The following CDH13 variants were observed in gnomAD, a reference collection of about 807,000 sequenced individuals.
CDH13 encodes the protein cadherin 13, also known as cadherin-13.
Under a neutral mutation model 63.8 loss-of-function variants are expected in CDH13, and 24 were observed. The observed-to-expected ratio is 0.38, with a 90% CI of 0.27 to 0.53. The LOEUF (loss-of-function observed/expected upper bound fraction) is 0.53, where lower values mean the gene tolerates loss of function less well. Among genes scored for constraint, CDH13 ranks in the 20% least tolerant of loss-of-function variants. The probability of loss-of-function intolerance (pLI) is 0.85; values close to 1 mark genes in which losing one functional copy is unlikely to be tolerated. For missense variants in CDH13, 1,049 were observed against 903.1 expected (o/e 1.16, Z -2.07); for synonymous variants, 503 against 355.3 (o/e 1.42, Z -4.67).
intron 1 of CDH13, among the ~76,000 whole-genome samples, chr16:82,832,101 A>G (rs965664876): frequency 3.9e-5 from 6 of 152,304 alleles, no homozygotes; most frequent in African/African-American, 1.4e-4. Flanking sequence ...TCTTCTTTAA[A>G]AGCAGAATGA....
In CDH13 at chr16:82,815,952, A is replaced by G. The variant is rs532725016; in HGVS notation, c.46-42410A>G. Among the ~76,000 whole-genome samples, 18 of 152,364 alleles carry G rather than the reference A, an allele frequency of 1.2e-4. No homozygotes were observed. The South Asian group carries it at 3.7e-3, about 32-fold the overall frequency. On this transcript the variant is annotated intron_variant, in intron 1 of 13. Transcript: ENST00000567109. ...CACGTGTTTAGGACTGATAAAATAC[A>G]TAACTGTGTTTTATTTCAGAATAAA...
chr16:82,746,035 T>C (rs1223275392), intron 1 of CDH13, among the ~76,000 whole-genome samples: 1 of 152,126 alleles, frequency 6.6e-6, no homozygotes, highest in Non-Finnish European at 1.5e-5. Context: ...TCATTAGTCA[T>C]AACGTTTTAA....
chr16:82,924,686 G>T (rs2042251863), intron 2 of CDH13, among the ~76,000 whole-genome samples: 1 of 152,168 alleles, frequency 6.6e-6, no homozygotes, highest in Non-Finnish European at 1.5e-5. Context: ...TCTGGAATGT[G>T]AGGTTTCCAG....
At chr16:82,809,884 T>C (rs538318196) in intron 1 of CDH13, among the ~76,000 whole-genome samples, 3 of 152,102 alleles carry the variant, frequency 2.0e-5, no homozygotes, top group Non-Finnish European at 2.9e-5. Flanking sequence ...CTTCTCAAGA[T>C]ACATATAAGG....
intron 2 of CDH13, among the ~76,000 whole-genome samples, chr16:82,920,433 A>G (rs182932431): frequency 6.6e-6 from 1 of 152,222 alleles, no homozygotes; most frequent in Non-Finnish European, 1.5e-5. Flanking sequence ...GTGCTCGTCC[A>G]TGAATCAGTG....
chr16:82,633,426 C>G (rs1412568676), intron 1 of CDH13, among the ~76,000 whole-genome samples: 1 of 152,236 alleles, frequency 6.6e-6, no homozygotes, highest in Non-Finnish European at 1.5e-5. Context: ...GTCACCCAAG[C>G]CGGAGTGCGG....
intron 7 of CDH13, among the ~76,000 whole-genome samples, chr16:83,514,915 C>A (rs1291016196): frequency 6.6e-6 from 1 of 152,082 alleles, no homozygotes; most frequent in African/African-American, 2.4e-5. Context: ...TGAGCCCCTC[C>A]GGTTTGTGAC....
intron 7 of CDH13, among the ~76,000 whole-genome samples, chr16:83,570,971 A>ATATATATATATATAT (rs57205262): frequency 1.5e-4 from 17 of 117,222 alleles, no homozygotes; most frequent in Non-Finnish European, 2.2e-4. Context: ...ATATATATAT[A>ATATATATATATATAT]AAAACCTTCT....
chr16:83,140,117 C>G (rs7184265), intron 4 of CDH13, among the ~76,000 whole-genome samples: 44,759 of 152,120 alleles, frequency 0.29, 7,206 homozygotes, highest in African/African-American at 0.42. Flanking sequence ...CAGCATCAGG[C>G]TGTACCACCA....
At chr16:83,356,295 A>ACCTT (rs2091055521) in intron 6 of CDH13, among the ~76,000 whole-genome samples, 1 of 149,930 alleles carries the variant, frequency 6.7e-6, no homozygotes, top group Non-Finnish European at 1.5e-5. Flanking sequence ...AAAACCACCA[A>ACCTT]CCTTCCTTAG....
chr16:82,758,222 T>C (rs1475087270), intron 1 of CDH13, among the ~76,000 whole-genome samples: 3 of 151,796 alleles, frequency 2.0e-5, no homozygotes, highest in Non-Finnish European at 2.9e-5. Flanking sequence ...CTTTGAGCTA[T>C]GAGAAAAAAA....
chr16:83,073,354 T>A (rs3936124), intron 3 of CDH13, among the ~76,000 whole-genome samples: 12,185 of 139,672 alleles, frequency 0.087, 791 homozygotes, highest in African/African-American at 0.19. Context: ...TGTGTGTGTG[T>A]GAGAGAGAGA....
At chr16:83,545,067 A>G (rs2075361421) in intron 7 of CDH13, among the ~76,000 whole-genome samples, 1 of 152,224 alleles carries the variant, frequency 6.6e-6, no homozygotes, top group South Asian at 2.1e-4. Flanking sequence ...CATCTCCTTC[A>G]GGGAGTACTT....
intron 7 of CDH13, among the ~76,000 whole-genome samples, chr16:83,568,788 C>T (rs1598303320): frequency 6.6e-6 from 1 of 152,296 alleles, no homozygotes; most frequent in Middle Eastern, 3.4e-3. Flanking sequence ...AGTTCCTCCT[C>T]CAGAGCTCCT....
intron 7 of CDH13, among the ~76,000 whole-genome samples, chr16:83,583,843 C>G (rs1318371630): frequency 6.6e-6 from 1 of 151,934 alleles, no homozygotes; most frequent in Admixed American, 6.6e-5. Context: ...CTTGAGCCCA[C>G]GAGGGAGAGG....
chr16:83,175,995 A>ATTTTTG (rs947340248), intron 4 of CDH13, among the ~76,000 whole-genome samples: 7 of 150,368 alleles, frequency 4.7e-5, no homozygotes, highest in African/African-American at 9.8e-5. Context: ...TGCCTGGCTA[A>ATTTTTG]TTTTTGTTTT....
At chr16:83,275,613 C>T (rs180909830) in intron 5 of CDH13, among the ~76,000 whole-genome samples, 3 of 152,046 alleles carry the variant, frequency 2.0e-5, no homozygotes, top group Admixed American at 6.6e-5. Flanking sequence ...GCACCATTTT[C>T]CTCCTGGCAT....
At chr16:82,868,277 T>C (rs1461392503) in intron 2 of CDH13, among the ~76,000 whole-genome samples, 2 of 152,204 alleles carry the variant, frequency 1.3e-5, no homozygotes, top group Non-Finnish European at 2.9e-5. Flanking sequence ...TAAGAGTTTT[T>C]CCTATATTTA....
rs77042544 is a variant in CDH13, at chr16:83,304,339, A to G, written c.637-40523A>G. 4.0e-3 allele frequency among the ~76,000 whole-genome samples: 610 copies of G among 152,302 alleles called. 2 individuals carry two copies. The highest frequency in any genetic ancestry group is 0.013 in the African/African-American group (557 of 41,570). ...GGCAAGATTGGAATCTTGGGAAAAA[A>G]GACTGTGTTGGTAATTTTAGAAGGA... On this transcript the variant is annotated intron_variant, in intron 5 of 13. Coordinates refer to ENST00000567109, the MANE Select transcript of CDH13 (RefSeq NM_001257.5).
Sources: allele counts gnomAD v4.1 joint callset (sites outside exome capture counted in the v4.1 genomes callset), GRCh38; gene constraint gnomAD v4.1.1; transcripts MANE v1.5; gene names NCBI Gene and HGNC (gene_info 2026-07-23, HGNC 2026-07-21).